Variants in TRPC4 observed in about 807,000 individuals in gnomAD.
The protein encoded by TRPC4 is transient receptor potential cation channel subfamily C member 4.
A neutral mutation model predicts 99.4 loss-of-function variants in TRPC4; 49 were observed. That is an observed-to-expected ratio of 0.49 (90% CI 0.39 to 0.63). The LOEUF (loss-of-function observed/expected upper bound fraction) is 0.63. Among genes scored for constraint, TRPC4 ranks in the 20% least tolerant of loss-of-function variants. TRPC4 has a pLI of 0.00. For missense variants in TRPC4, 898 were observed against 1,152.9 expected (o/e 0.78, Z 3.20); for synonymous variants, 454 against 425.9 (o/e 1.07, Z -0.81).
rs1249627772 is a variant in TRPC4 at position 37,728,503 on chromosome 13, CTA to C, written c.897+17432_897+17433del. On this transcript the variant is annotated intron_variant, in intron 3 of 10. Transcript: ENST00000379705. ...GATGTAAAAACCTATACAATGAAAACTATGAAACATTGGTGGAGGAAATTAAA... is the reference window on the plus strand; with the variant it reads ...GATGTAAAAACCTATACAATGAAAACTGAAACATTGGTGGAGGAAATTAAA... Among the ~76,000 whole-genome samples the C allele has an allele frequency of 3.9e-5, 6 of 151,986 alleles. No individual in the cohort carries two copies. In the East Asian group the frequency reaches 1.2e-3, roughly 29 times the overall value.
At chr13:37,833,208 T>C (rs1958470144) in intron 1 of TRPC4, among the ~76,000 whole-genome samples, 1 of 152,180 alleles carries the variant, frequency 6.6e-6, no homozygotes, top group Admixed American at 6.5e-5. Flanking sequence ...TCTCCTATTT[T>C]ATTTTCTGCC....
intron 10 of TRPC4, among the ~76,000 whole-genome samples, chr13:37,638,227 T>TG (rs57015970): frequency 1.3e-5 from 2 of 151,726 alleles, no homozygotes; most frequent in Admixed American, 1.3e-4. Flanking sequence ...GATGGCAACC[T>TG]TCTTGGTGGC....
At chr13:37,824,513 T>C (rs1958138236) in intron 1 of TRPC4, among the ~76,000 whole-genome samples, 1 of 152,288 alleles carries the variant, frequency 6.6e-6, no homozygotes, top group South Asian at 2.1e-4. Flanking sequence ...AGGCCTTTTC[T>C]GAATCTATTG....
rs1408655114 is a variant in TRPC4, at chr13:37,720,850, G to T, written c.897+25087C>A. ...TAATAATATACAGAGACACAGCTCA[G>T]GATATTTATGCAACTTAACAATTGG... On this transcript the variant is annotated intron_variant, in intron 3 of 10. Transcript: ENST00000379705. Among the ~76,000 whole-genome samples, 3 of 152,246 alleles carry T rather than the reference G, an allele frequency of 2.0e-5. No individual in the cohort carries two copies. In the East Asian group the frequency reaches 5.8e-4, roughly 29 times the overall value.
rs371548105 is a variant in TRPC4 at position 37,662,404 on chromosome 13, T to G, written c.1688+1012A>C. Among the ~76,000 whole-genome samples, 5 of 152,324 alleles carry G rather than the reference T, an allele frequency of 3.3e-5. No homozygotes were observed. The East Asian group carries it at 7.7e-4, about 24-fold the overall frequency. On this transcript the variant is annotated intron_variant, in intron 6 of 10. Transcript: ENST00000379705. ...ATCAATGGCTGACATTTAAAAATTA[T>G]GTGCAAATAAAAAGATGATGAATAA...
intron 3 of TRPC4, among the ~76,000 whole-genome samples, chr13:37,704,766 TC>T (rs1388132861): frequency 1.3e-5 from 2 of 152,206 alleles, no homozygotes; most frequent in Non-Finnish European, 2.9e-5. Context: ...CTTTACTTTC[TC>T]TTGTGTTCAT....
intron 2 of TRPC4, among the ~76,000 whole-genome samples, chr13:37,755,430 T>C (rs11841842): frequency 1.5e-4 from 2 of 13,692 alleles, no homozygotes; most frequent in African/African-American, 1.7e-4. Flanking sequence ...ATAATTTTTT[T>C]ATTTTTTATT....
At chr13:37,799,357 G>A (rs370494669) in intron 1 of TRPC4, among the ~76,000 whole-genome samples, 10 of 152,124 alleles carry the variant, frequency 6.6e-5, no homozygotes, top group South Asian at 2.1e-4. Context: ...TTTTCTACTA[G>A]ATAATTCTTT....
intron 1 of TRPC4, among the ~76,000 whole-genome samples, chr13:37,866,711 T>C (rs116356098): frequency 0.019 from 2,893 of 151,834 alleles, 38 homozygotes; most frequent in South Asian, 0.03. Context: ...GCGGGGTCAA[T>C]GCCTCTGGAA....
intron 1 of TRPC4, among the ~76,000 whole-genome samples, chr13:37,810,579 T>C (rs1957651385): frequency 6.6e-6 from 1 of 152,072 alleles, no homozygotes; most frequent in Non-Finnish European, 1.5e-5. Context: ...AATATATATG[T>C]TGCTCCATAA....
At chr13:37,748,676 A>C (rs11147668) in intron 2 of TRPC4, among the ~76,000 whole-genome samples, 52,492 of 150,974 alleles carry the variant, frequency 0.35, 10,842 homozygotes, top group Non-Finnish European at 0.48. Context: ...AATCTCATTA[A>C]GAATTTCAAA....
At chr13:37,860,313 CATTTT>C (rs1959228480) in intron 1 of TRPC4, among the ~76,000 whole-genome samples, 1 of 151,170 alleles carries the variant, frequency 6.6e-6, no homozygotes, top group East Asian at 1.9e-4. Context: ...ATTGAGCACT[CATTTT>C]AGTGTAAAAC....
chr13:37,789,328 C>T (rs1322945675), intron 1 of TRPC4, among the ~76,000 whole-genome samples: 2 of 152,088 alleles, frequency 1.3e-5, no homozygotes, highest in African/African-American at 2.4e-5. Flanking sequence ...GCAACTCCTG[C>T]CGGGTTTTAA....
rs187891843 is a variant in TRPC4 at position 37,741,702 on chromosome 13, C to A, written c.897+4235G>T. Among the ~76,000 whole-genome samples the A allele has an allele frequency of 3.3e-5, 5 of 152,198 alleles. No individual in the cohort carries two copies. The East Asian group carries it at 9.6e-4, about 29-fold the overall frequency. On this transcript the variant is annotated intron_variant, in intron 3 of 10. Transcript: ENST00000379705. Reference sequence around the variant, plus strand: ...ATGTCAAAATGCAAGGCTTTCATTACGGGCGAGCTGAGTCATGAAATAAAT... The same window carrying A: ...ATGTCAAAATGCAAGGCTTTCATTAAGGGCGAGCTGAGTCATGAAATAAAT...
intron 1 of TRPC4, among the ~76,000 whole-genome samples, chr13:37,821,190 CCACACACACACACACA>C (rs3086254): frequency 8.8e-5 from 12 of 136,014 alleles, no homozygotes; most frequent in South Asian, 2.5e-4. Context: ...TTCACAATAG[CCACACACACACACACA>C]CACACACACA....
chr13:37,712,221 T>C (rs1221386895), intron 3 of TRPC4, among the ~76,000 whole-genome samples: 1 of 152,184 alleles, frequency 6.6e-6, no homozygotes, highest in Non-Finnish European at 1.5e-5. Context: ...TCTCCAAAGA[T>C]TGACAAGTGG....
rs762999927 is a variant in TRPC4, at chr13:37,637,311, G to A, written c.2526C>T (p.Ile842=). The A allele has an allele frequency of 6.2e-7, 1 of 1,613,780 alleles. No homozygotes were observed. The highest frequency in any genetic ancestry group is 1.6e-4 in the Middle Eastern group (1 of 6,062). ...GTCTATGAAATAACCCAAAGTTTTT[G>A]ATATCGGTCACAAAATTCACTTTTC... ...KQRKVNFVTD[I]KNFGLFHRRS... is the part of the protein sequence containing the mutation. The change falls in exon 11 of 11, where the codon ATC becomes ATT. Residue 842 remains isoleucine (I), a synonymous_variant. Coordinates refer to ENST00000379705, the MANE Select transcript of TRPC4 (RefSeq NM_016179.4).
At chr13:37,690,880 T>G (rs1340572148) in intron 4 of TRPC4, among the ~76,000 whole-genome samples, 1 of 152,082 alleles carries the variant, frequency 6.6e-6, no homozygotes, top group Non-Finnish European at 1.5e-5. Flanking sequence ...CAAACTGATA[T>G]TCTGAGATTT....
intron 5 of TRPC4, among the ~76,000 whole-genome samples, chr13:37,667,637 C>A (rs114458266): frequency 0.011 from 1,683 of 152,266 alleles, 24 homozygotes; most frequent in African/African-American, 0.038. Flanking sequence ...AGAACCCAAC[C>A]AGCCCATGTC....
Sources: allele counts gnomAD v4.1 joint callset (sites outside exome capture counted in the v4.1 genomes callset), GRCh38; gene constraint gnomAD v4.1.1; transcripts MANE v1.5; gene names NCBI Gene and HGNC (gene_info 2026-07-23, HGNC 2026-07-21).